Variants in ERBB4 observed in about 807,000 individuals in gnomAD.
The protein encoded by ERBB4 is erb-b2 receptor tyrosine kinase 4.
ERBB4 carries 42 observed loss-of-function variants against 158.0 expected under a neutral mutation model. The observed-to-expected ratio is 0.27, with a 90% CI of 0.21 to 0.34. ERBB4 has a LOEUF of 0.34. ERBB4 is among the 10% of genes least tolerant of loss of function. ERBB4 has a pLI of 1.00. For synonymous variants in ERBB4, 583 were observed against 558.7 expected, an observed-to-expected ratio of 1.04 and a Z score of -0.61; for missense variants, 1,333 against 1,624.1, an observed-to-expected ratio of 0.82 and a Z score of 3.08.
At chr2:212,419,324 A>G (rs1440375713) in intron 1 of ERBB4, among the ~76,000 whole-genome samples, 1 of 151,950 alleles carries the variant, frequency 6.6e-6, no homozygotes, top group Non-Finnish European at 1.5e-5. Flanking sequence ...CCTGCATTTG[A>G]AAGTAGTGAA....
At chr2:212,203,375 T>A (rs2105907398) in intron 1 of ERBB4, among the ~76,000 whole-genome samples, 1 of 152,018 alleles carries the variant, frequency 6.6e-6, no homozygotes, top group African/African-American at 2.4e-5. Flanking sequence ...TAAAGAGACA[T>A]GAAGAAGCTG....
chr2:212,004,571 C>G (rs1223297861), intron 2 of ERBB4, among the ~76,000 whole-genome samples: 1 of 152,090 alleles, frequency 6.6e-6, no homozygotes, highest in African/African-American at 2.4e-5. Flanking sequence ...TCCAACTTTA[C>G]TTTTTTATTT....
intron 1 of ERBB4, among the ~76,000 whole-genome samples, chr2:212,314,294 T>G (rs1319706466): frequency 6.6e-6 from 1 of 151,066 alleles, no homozygotes; most frequent in Non-Finnish European, 1.5e-5. Context: ...GTTGACATTT[T>G]TACGTTAATT....
At chr2:211,908,189 G>T (rs1009726662) in intron 3 of ERBB4, among the ~76,000 whole-genome samples, 1 of 151,834 alleles carries the variant, frequency 6.6e-6, no homozygotes, top group Non-Finnish European at 1.5e-5. Flanking sequence ...GAGCGGTTAA[G>T]GAGAGCTTGG....
At chr2:211,490,239 T>C (rs1358219286) in intron 20 of ERBB4, among the ~76,000 whole-genome samples, 1 of 152,170 alleles carries the variant, frequency 6.6e-6, no homozygotes, top group Admixed American at 6.6e-5. Context: ...AAAATTCTTC[T>C]GAACTATGTC....
intron 3 of ERBB4, among the ~76,000 whole-genome samples, chr2:211,839,530 C>A (rs555070342): frequency 2.8e-4 from 42 of 152,120 alleles, no homozygotes; most frequent in African/African-American, 1.0e-3. Context: ...AACTATTTTT[C>A]CACAGTACAG....
intron 1 of ERBB4, among the ~76,000 whole-genome samples, chr2:212,492,880 A>G (rs1407428177): frequency 6.6e-6 from 1 of 151,566 alleles, no homozygotes; most frequent in East Asian, 1.9e-4. Flanking sequence ...TGTTACAGTA[A>G]AAGTAGAGGT....
chr2:211,761,438 T>C (rs1286262714), intron 4 of ERBB4, among the ~76,000 whole-genome samples: 1 of 152,084 alleles, frequency 6.6e-6, no homozygotes, highest in Non-Finnish European at 1.5e-5. Flanking sequence ...ATCAGCGACA[T>C]CCATCTTAAT....
At chr2:212,095,511 G>A (rs1218598142) in intron 2 of ERBB4, among the ~76,000 whole-genome samples, 3 of 152,116 alleles carry the variant, frequency 2.0e-5, no homozygotes, top group Admixed American at 1.3e-4. Context: ...AAAAGCAACC[G>A]AATATTAATT....
At chr2:212,528,991 C>T (rs886806477) in intron 1 of ERBB4, among the ~76,000 whole-genome samples, 1 of 152,046 alleles carries the variant, frequency 6.6e-6, no homozygotes, top group Non-Finnish European at 1.5e-5. Flanking sequence ...TATCTGGAAC[C>T]CTTTTTCATG....
At chr2:212,403,996 A>G (rs996120992) in intron 1 of ERBB4, among the ~76,000 whole-genome samples, 1 of 151,988 alleles carries the variant, frequency 6.6e-6, no homozygotes, top group Admixed American at 6.6e-5. Flanking sequence ...AGGTAAAGGC[A>G]TTGTAGACTG....
intron 3 of ERBB4, among the ~76,000 whole-genome samples, chr2:211,897,989 C>T (rs965232873): frequency 9.9e-5 from 15 of 151,842 alleles, no homozygotes; most frequent in African/African-American, 3.6e-4. Context: ...GTCTTGAACT[C>T]CTGAGTTCAA....
intron 15 of ERBB4, among the ~76,000 whole-genome samples, chr2:211,665,120 A>G (rs2071578547): frequency 6.6e-6 from 1 of 152,230 alleles, no homozygotes; most frequent in Admixed American, 6.5e-5. Context: ...GGTTATAGGT[A>G]AAATCTAAGC....
chr2:212,147,589 A>G (rs1215562054), intron 1 of ERBB4, among the ~76,000 whole-genome samples: 4 of 152,158 alleles, frequency 2.6e-5, no homozygotes, highest in Admixed American at 2.6e-4. Context: ...ACCACAGTAC[A>G]TAACTCTAAA....
chr2:212,433,341 C>G (rs1039697956), intron 1 of ERBB4, among the ~76,000 whole-genome samples: 1 of 151,920 alleles, frequency 6.6e-6, no homozygotes, highest in African/African-American at 2.4e-5. Context: ...TTTTTACCTT[C>G]CTATTACATG....
chr2:212,346,086 C>T (rs1478543312), intron 1 of ERBB4, among the ~76,000 whole-genome samples: 1 of 152,038 alleles, frequency 6.6e-6, no homozygotes, highest in African/African-American at 2.4e-5. Flanking sequence ...ATTGTCTAGA[C>T]AGTTTAACTT....
chr2:211,852,905 C>G (rs1297037327), intron 3 of ERBB4, among the ~76,000 whole-genome samples: 2 of 151,868 alleles, frequency 1.3e-5, no homozygotes, highest in African/African-American at 4.8e-5. Context: ...CAGGTATGCT[C>G]TATTAGAAAA....
chr2:212,354,338 T>C (rs1180906531), intron 1 of ERBB4, among the ~76,000 whole-genome samples: 2 of 152,014 alleles, frequency 1.3e-5, no homozygotes, highest in Non-Finnish European at 2.9e-5. Context: ...CTGAGGTGCT[T>C]TGCAATTATT....
intron 2 of ERBB4, among the ~76,000 whole-genome samples, chr2:212,080,526 A>G (rs1278911898): frequency 6.6e-6 from 1 of 151,790 alleles, no homozygotes; most frequent in Non-Finnish European, 1.5e-5. Flanking sequence ...AGTGAAGACC[A>G]CAATTTTTAT....
Sources: allele counts gnomAD v4.1 joint callset (sites outside exome capture counted in the v4.1 genomes callset), GRCh38; gene constraint gnomAD v4.1.1; transcripts MANE v1.5; gene names NCBI Gene and HGNC (gene_info 2026-07-23, HGNC 2026-07-21).